ZDHHC14: variants seen among roughly 807,000 people sequenced by gnomAD.
ZDHHC14 encodes zDHHC palmitoyltransferase 14, also known as palmitoyltransferase ZDHHC14.
ZDHHC14 carries 16 observed loss-of-function variants against 47.7 expected under a neutral mutation model. The observed-to-expected ratio is 0.34, with a 90% CI of 0.23 to 0.51. The LOEUF is 0.51. Ranked by LOEUF, ZDHHC14 falls within the 20% of genes least tolerant of loss-of-function variation. The pLI is 0.97. For missense variants in ZDHHC14, 515 were observed against 662.5 expected, an observed-to-expected ratio of 0.78 and a Z score of 2.44; for synonymous variants, 293 against 278.9, an observed-to-expected ratio of 1.05 and a Z score of -0.50.
At chr6:157,481,142 G>A (rs970229236) in intron 1 of ZDHHC14, among the ~76,000 whole-genome samples, 9 of 152,152 alleles carry the variant, frequency 5.9e-5, no homozygotes, top group African/African-American at 1.9e-4. Context: ...GTGCTTGCAC[G>A]TGTGATGCTT....
intron 2 of ZDHHC14, among the ~76,000 whole-genome samples, chr6:157,562,699 T>C (rs1429881307): frequency 6.6e-6 from 1 of 152,202 alleles, no homozygotes; most frequent in Non-Finnish European, 1.5e-5. Flanking sequence ...AGACAGGACC[T>C]GGGAATCTGC....
intron 2 of ZDHHC14, among the ~76,000 whole-genome samples, chr6:157,543,692 G>T (rs1019459399): frequency 6.6e-6 from 1 of 152,152 alleles, no homozygotes; most frequent in South Asian, 2.1e-4. Context: ...TCCTTCTCTC[G>T]ACATCTGCCT....
chr6:157,545,097 A>G (rs532377311), intron 2 of ZDHHC14, among the ~76,000 whole-genome samples: 1 of 152,382 alleles, frequency 6.6e-6, no homozygotes, highest in Non-Finnish European at 1.5e-5. Context: ...GAAGCCAGAT[A>G]CAAAAGACTA....
In ZDHHC14 at chr6:157,606,504, A is replaced by C. The variant is rs182407550; in HGVS notation, c.565+13358A>C. ...AAAGAAAAATCTGAGGAGAGAGTTT[A>C]ATGAGGTGAGCTGCATGCTTGGATT... On this transcript the variant is annotated intron_variant, in intron 3 of 8. Coordinates refer to ENST00000359775, the MANE Select transcript of ZDHHC14 (RefSeq NM_024630.3). 2.8e-4 allele frequency among the ~76,000 whole-genome samples: 42 copies of C among 152,324 alleles called. No homozygotes were observed. In the East Asian group the frequency reaches 5.2e-3, roughly 19 times the overall value.
intron 1 of ZDHHC14, among the ~76,000 whole-genome samples, chr6:157,481,306 CT>C (rs1229464557): frequency 1.3e-5 from 2 of 152,116 alleles, no homozygotes; most frequent in Non-Finnish European, 2.9e-5. Flanking sequence ...CGTATTTTTC[CT>C]TTTTTGGAAG....
intron 2 of ZDHHC14, among the ~76,000 whole-genome samples, chr6:157,575,141 C>T (rs926799872): frequency 7.2e-5 from 11 of 152,152 alleles, no homozygotes; most frequent in Non-Finnish European, 1.5e-4. Context: ...GGGTTTCTAC[C>T]GTGAAGTCTT....
intron 3 of ZDHHC14, among the ~76,000 whole-genome samples, chr6:157,621,050 G>A (rs1254571179): frequency 2.0e-5 from 3 of 152,226 alleles, no homozygotes; most frequent in African/African-American, 7.2e-5. Context: ...TAAGGCAGGT[G>A]AAGTTGCTTT....
chr6:157,476,535 A>G (rs987402061), intron 1 of ZDHHC14, among the ~76,000 whole-genome samples: 1 of 152,256 alleles, frequency 6.6e-6, no homozygotes, highest in Non-Finnish European at 1.5e-5. Flanking sequence ...AAGAGGAAGG[A>G]ATACTTCCAA....
intron 1 of ZDHHC14, among the ~76,000 whole-genome samples, chr6:157,517,877 T>C (rs1406514331): frequency 6.6e-6 from 1 of 152,220 alleles, no homozygotes; most frequent in African/African-American, 2.4e-5. Flanking sequence ...TTTTTAAAAG[T>C]GTCGCTGTTG....
At position 157,418,112 on chromosome 6, in the gene ZDHHC14, C is replaced by A. The variant is rs1583627779; in HGVS notation, c.245+35846C>A. On this transcript the variant is annotated intron_variant, in intron 1 of 8. Transcript: ENST00000359775. ...CTGCACTGACTCCAGGGGACACATCCAGACCTGACATCAGGAAAAGGTGAG... is the reference window on the plus strand; with the variant it reads ...CTGCACTGACTCCAGGGGACACATCAAGACCTGACATCAGGAAAAGGTGAG... Among the ~76,000 whole-genome samples the A allele has an allele frequency of 2.0e-5, 3 of 152,256 alleles. No homozygotes were observed. The East Asian group carries it at 5.8e-4, about 29-fold the overall frequency.
chr6:157,672,807 C>A lies in ZDHHC14; in HGVS notation c.1152C>A (p.Leu384=), dbSNP rs1240757116. ...ATPLLQSEPS[L]TSDELHLPGK... Reference sequence around the variant, plus strand: ...CCCTGCTGCAGAGCGAGCCCAGCCTCACCAGCGACGAGCTGCACCTGCCCG... The same window carrying A: ...CCCTGCTGCAGAGCGAGCCCAGCCTAACCAGCGACGAGCTGCACCTGCCCG... The change falls in exon 9 of 9, where the codon CTC becomes CTA. Residue 384 remains leucine (L), a synonymous_variant. Coordinates refer to ENST00000359775, the MANE Select transcript of ZDHHC14 (RefSeq NM_024630.3). 2 of 1,612,690 alleles carry A rather than the reference C, an allele frequency of 1.2e-6. No individual in the cohort carries two copies. The highest frequency in any genetic ancestry group is 2.2e-5 in the South Asian group (2 of 91,032).
intron 1 of ZDHHC14, among the ~76,000 whole-genome samples, chr6:157,400,643 C>G (rs1470256807): frequency 6.6e-6 from 1 of 152,230 alleles, no homozygotes; most frequent in Non-Finnish European, 1.5e-5. Flanking sequence ...TCCCCTGAGT[C>G]CCTCGCTGCT....
At chr6:157,560,070 A>G (rs535062280) in intron 2 of ZDHHC14, among the ~76,000 whole-genome samples, 1 of 152,294 alleles carries the variant, frequency 6.6e-6, no homozygotes, top group Admixed American at 6.5e-5. Flanking sequence ...GAATTACACT[A>G]TACCTTTCCA....
At position 157,586,510 on chromosome 6, in the gene ZDHHC14, T is replaced by C. The variant is rs1783702895; in HGVS notation, c.407-6478T>C. ...TGCAAGGAGAGAGAAGGTTCATGGA[T>C]TGTGTGCTGTATGGGAGGGCCTGAG... is the stretch of plus-strand genomic sequence containing the variant. On this transcript the variant is annotated intron_variant, in intron 2 of 8. Coordinates refer to ENST00000359775, the MANE Select transcript of ZDHHC14 (RefSeq NM_024630.3). The surrounding 1 kb of genome is among the most constrained non-coding windows in gnomAD (Gnocchi z 4.6). 6.6e-6 allele frequency among the ~76,000 whole-genome samples: 1 copy of C among 152,116 alleles called. No individual in the cohort carries two copies. The highest frequency in any genetic ancestry group is 2.1e-4 in the South Asian group (1 of 4,816).
In ZDHHC14 at chr6:157,473,041, T is replaced by C. The variant is rs146938540; in HGVS notation, c.246-69544T>C. On this transcript the variant is annotated intron_variant, in intron 1 of 8. Coordinates refer to ENST00000359775, the MANE Select transcript of ZDHHC14 (RefSeq NM_024630.3). ...CATTTTAAGAGTAGTAGTCACATTT[T>C]AATGAACAAAACTGTGTATATGTAT... Among the ~76,000 whole-genome samples the C allele has an allele frequency of 2.6e-5, 4 of 152,348 alleles. No homozygotes were observed. The East Asian group carries it at 7.7e-4, about 29-fold the overall frequency.
intron 1 of ZDHHC14, among the ~76,000 whole-genome samples, chr6:157,539,738 C>G (rs1014543190): frequency 6.6e-6 from 1 of 152,216 alleles, no homozygotes; most frequent in African/African-American, 2.4e-5. Flanking sequence ...GCCTCCCTCT[C>G]TACTTCACCT....
At chr6:157,522,420 G>A (rs766339938) in intron 1 of ZDHHC14, among the ~76,000 whole-genome samples, 2 of 152,194 alleles carry the variant, frequency 1.3e-5, no homozygotes, top group African/African-American at 2.4e-5. Flanking sequence ...ATTGGACAGT[G>A]TGTCACTGGT....
intron 1 of ZDHHC14, among the ~76,000 whole-genome samples, chr6:157,474,664 A>G (rs535730496): frequency 1.3e-5 from 2 of 149,344 alleles, no homozygotes; most frequent in Non-Finnish European, 3.0e-5. Flanking sequence ...TGATGATTAG[A>G]GATATGCAAC....
intron 1 of ZDHHC14, among the ~76,000 whole-genome samples, chr6:157,450,336 T>C (rs1305069861): frequency 6.6e-6 from 1 of 152,028 alleles, no homozygotes. Context: ...CCATGAAATA[T>C]GCTGAGCTAA....
Sources: allele counts gnomAD v4.1 joint callset (sites outside exome capture counted in the v4.1 genomes callset), GRCh38; gene constraint gnomAD v4.1.1; non-coding constraint Gnocchi (gnomAD v3.1); transcripts MANE v1.5; gene names NCBI Gene and HGNC (gene_info 2026-07-23, HGNC 2026-07-21).